The following CENPV variants were observed in gnomAD, a reference collection of about 807,000 sequenced individuals.
CENPV encodes nuclear protein p30.
A neutral mutation model predicts 26.4 loss-of-function variants in CENPV; 15 were observed. The ratio of observed to expected loss-of-function variants is 0.57; its 90% CI spans 0.38 to 0.88. CENPV has a LOEUF of 0.88. Among genes scored for constraint, CENPV ranks in the 40% least tolerant of loss-of-function variants. The pLI, the probability that CENPV is intolerant of heterozygous loss-of-function variation, is 0.00. For synonymous variants in CENPV, 172 were observed against 165.5 expected (o/e 1.04, Z -0.30); for missense variants, 336 against 376.5 (o/e 0.89, Z 0.89).
intron 2 of CENPV, chr17:16,349,430 C>G (rs1032907099): frequency 2.0e-6 from 2 of 986,032 alleles, no homozygotes; most frequent in African/African-American, 3.5e-5. Context: ...CATCATAACG[C>G]CGGGGAAGGT....
intron 2 of CENPV, chr17:16,349,666 G>T (rs2093221473): frequency 1.6e-6 from 2 of 1,240,208 alleles, no homozygotes; most frequent in Non-Finnish European, 1.0e-6. Context: ...AGCAGTGTCA[G>T]TCTGAGGGTG....
At position 16,353,466 on chromosome 17, in the gene CENPV, C is replaced by A; in HGVS notation, c.-30G>T. The A allele has an allele frequency of 9.6e-7, 1 of 1,042,860 alleles. No homozygotes were observed. The highest frequency in any genetic ancestry group is 8.2e-5 in the East Asian group (1 of 12,156). The allele number at this position is 1,042,860 out of a possible 1,614,324, so 64.6% of individuals were successfully genotyped here. On this transcript the variant is annotated 5_prime_UTR_variant, in exon 1 of 5. Transcript: ENST00000299736. ...CCCGCAGCCTGGCGCGCAGGCCTCG[C>A]AGCGCGGCGCGCCCCCGCCGGCCTG...
At chr17:16,345,731 C>T (rs1372814531) in intron 3 of CENPV, among the ~76,000 whole-genome samples, 1 of 152,090 alleles carries the variant, frequency 6.6e-6, no homozygotes, top group Non-Finnish European at 1.5e-5. Context: ...AGAATTCAGC[C>T]TTGAGCCTTC....
intron 3 of CENPV, among the ~76,000 whole-genome samples, chr17:16,346,700 G>A (rs546012533): frequency 2.0e-5 from 3 of 151,164 alleles, no homozygotes; most frequent in Non-Finnish European, 3.0e-5. Context: ...ACAGTGAGCC[G>A]AGATCACACC....
At chr17:16,351,462 G>A (rs1278902674) in intron 1 of CENPV, 1 of 152,006 alleles carries the variant, frequency 6.6e-6, no homozygotes, top group South Asian at 2.1e-4. Context: ...GTTTCTTTAC[G>A]TTTATGTATT....
chr17:16,344,861 G>A (rs902430035), intron 3 of CENPV, 150 bp from the exon 4 acceptor site: 1 of 344,270 alleles, frequency 2.9e-6, no homozygotes. Context: ...ACCTCCACCT[G>A]CATGGGTTCA....
At position 16,344,580 on chromosome 17, in the gene CENPV, C is replaced by CCAT. The variant is rs1308159220; in HGVS notation, c.694+14_694+16dup. The CCAT allele has an allele frequency of 6.8e-7, 1 of 1,481,018 alleles. No homozygotes were observed. The highest frequency in any genetic ancestry group is 9.2e-7 in the Non-Finnish European group (1 of 1,091,104). 91.7% of individuals were successfully genotyped at this position (1,481,018 alleles called of 1,614,324 possible). ...CTCTGTGTCCCCCTGAGCTTGCAGT[C>CCAT]CATCCCCTTTACTCACCGAAGCCTC... is the stretch of plus-strand genomic sequence containing the variant. On this transcript the variant is annotated intron_variant, in intron 4 of 4. Coordinates refer to ENST00000299736, the MANE Select transcript of CENPV (RefSeq NM_181716.3).
chr17:16,353,425 C>A lies in CENPV; in HGVS notation c.12G>T (p.Ser4=). 1.7e-6 allele frequency: 2 copies of A among 1,163,014 alleles called. No individual in the cohort carries two copies. The highest frequency in any genetic ancestry group is 1.1e-6 in the Non-Finnish European group (1 of 945,700). The allele number at this position is 1,163,014 out of a possible 1,614,324, so 72.0% of individuals were successfully genotyped here. The part of the protein sequence containing the change: MRR[S]RSSAAAKLRG... Reference sequence around the variant, plus strand: ...GCAGCTTGGCGGCCGCAGAGCTCCTCGATCGCCGCATGGCTCCCGCAGCCT... The same window carrying A: ...GCAGCTTGGCGGCCGCAGAGCTCCTAGATCGCCGCATGGCTCCCGCAGCCT... The change falls in exon 1 of 5, where the codon TCG becomes TCT. Residue 4 remains serine (S), a synonymous_variant. Transcript: ENST00000299736.
chr17:16,345,364 T>C (rs935352346), intron 3 of CENPV, among the ~76,000 whole-genome samples: 1 of 143,510 alleles, frequency 7.0e-6, no homozygotes, highest in Non-Finnish European at 1.5e-5. Context: ...AGCCCAGGAG[T>C]TCAAGACCAA....
intron 1 of CENPV, chr17:16,351,503 G>A (rs900778971): frequency 6.6e-6 from 1 of 152,036 alleles, no homozygotes; most frequent in East Asian, 1.9e-4. Context: ...AATGCTTATT[G>A]TAAAAACTCC....
intron 3 of CENPV, among the ~76,000 whole-genome samples, chr17:16,347,075 T>C (rs1490931083): frequency 6.6e-6 from 1 of 152,044 alleles, no homozygotes; most frequent in East Asian, 1.9e-4. Flanking sequence ...GGTGTTGAAC[T>C]CCTGGGCTCA....
chr17:16,348,709 C>T, intron 2 of CENPV, 24 bp from the exon 3 acceptor site: 1 of 1,613,302 alleles, frequency 6.2e-7, no homozygotes. Flanking sequence ...GAGCAAATTC[C>T]AGATTGTGAG....
rs776084175 is a variant in CENPV at position 16,353,174 on chromosome 17, G to A, written c.263C>T (p.Pro88Leu). ...GGGAGTCGGCGGCGGCGGCGGCGGT[G>A]GCGGGAGCAACGCCAGCTCAGGCGG... ...PPPPELALLP[P>L]PPPPPPTPAT... Residue 88 changes from proline to leucine, a missense_variant, in exon 1 of 5, where the codon CCA becomes CTA. Pro to Leu is a moderately conservative substitution (Grantham distance 98). Transcript: ENST00000299736. 18 of 1,424,434 alleles carry A rather than the reference G, an allele frequency of 1.3e-5. No homozygotes were observed. In the African/African-American group the frequency reaches 2.1e-4, roughly 16 times the overall value. 88.2% of individuals were successfully genotyped at this position (1,424,434 alleles called of 1,614,324 possible). A position where few individuals can be genotyped will look rare whatever the true frequency, so the allele number is the denominator to read the frequency against.
intron 3 of CENPV, among the ~76,000 whole-genome samples, chr17:16,346,435 C>T (rs2093206632): frequency 6.6e-6 from 1 of 152,138 alleles, no homozygotes; most frequent in South Asian, 2.1e-4. Flanking sequence ...TAACATGGAA[C>T]AATTGCCAAA....
chr17:16,343,091 A>G, intron 4 of CENPV, 150 bp from the exon 5 acceptor site: 1 of 904,298 alleles, frequency 1.1e-6, no homozygotes, highest in Non-Finnish European at 1.7e-6. Context: ...GGCTTCAGTG[A>G]TGAGACCCAC....
Position 16,353,161 on chromosome 17 carries a change from CGGCGGCGGCGGT to C in CENPV, c.264_275del (p.Pro91_Pro94del). 6.9e-7 allele frequency: 1 copy of C among 1,448,104 alleles called. No individual in the cohort carries two copies. The highest frequency in any genetic ancestry group is 9.1e-7 in the Non-Finnish European group (1 of 1,103,974). The allele number at this position is 1,448,104 out of a possible 1,614,324, so 89.7% of individuals were successfully genotyped here. A position where few individuals can be genotyped will look rare whatever the true frequency, so the allele number is the denominator to read the frequency against. On this transcript the variant is annotated inframe_deletion, in exon 1 of 5. Transcript: ENST00000299736. ...ACGTCGGGGTCGCGGGAGTCGGCGG[CGGCGGCGGCGGT>C]GGCGGGAGCAACGCCAGCTCAGGCG...
intron 3 of CENPV, among the ~76,000 whole-genome samples, chr17:16,346,578 C>T (rs1310541766): frequency 6.6e-6 from 1 of 152,034 alleles, no homozygotes. Context: ...TGGTGAAACC[C>T]TGTCTGTACT....
chr17:16,343,425 C>T (rs951848494), intron 4 of CENPV, among the ~76,000 whole-genome samples: 23 of 152,078 alleles, frequency 1.5e-4, no homozygotes, highest in Non-Finnish European at 5.9e-5. Context: ...CTCTGCCTTA[C>T]GGGTTCAAGT....
rs909206158 is a variant in CENPV at position 16,353,344 on chromosome 17, GGCAGCGGCC to G, written c.84_92del (p.Ala29_Ala31del). 2.9e-4 allele frequency: 386 copies of G among 1,311,220 alleles called. 1 individual carries two copies. In the African/African-American group the frequency reaches 5.7e-3, roughly 19 times the overall value. 81.2% of individuals were successfully genotyped at this position (1,311,220 alleles called of 1,614,324 possible). On this transcript the variant is annotated inframe_deletion, in exon 1 of 5. Coordinates refer to ENST00000299736, the MANE Select transcript of CENPV (RefSeq NM_181716.3). ...GTGTGCGGGTGGCGCTGGGTGCCAA[GGCAGCGGCC>G]GCGGAGGCCGCGGGGGCCGCGGAGG...
Sources: gnomAD v4.1 joint callset for allele counts (sites outside exome capture counted in the v4.1 genomes callset) on GRCh38, gnomAD v4.1.1 for gene constraint, MANE v1.5 for transcripts, NCBI Gene and HGNC (gene_info 2026-07-23, HGNC 2026-07-21) for gene names.